The following ZCCHC7 variants were observed in gnomAD, a reference collection of about 807,000 sequenced individuals.
ZCCHC7 encodes the protein zinc finger CCHC-type containing 7.
In ZCCHC7, 35 loss-of-function variants were observed where a neutral mutation model predicts 52.0. That is an observed-to-expected ratio of 0.67 (90% CI 0.51 to 0.89). The LOEUF is 0.89. ZCCHC7 is among the 40% of genes least tolerant of loss of function. The pLI is 0.00. For missense variants in ZCCHC7, 574 were observed against 649.1 expected (o/e 0.88, Z 1.26); for synonymous variants, 217 against 221.5 (o/e 0.98, Z 0.18).
intron 2 of ZCCHC7, among the ~76,000 whole-genome samples, chr9:37,290,218 G>T (rs1357438414): frequency 6.6e-6 from 1 of 152,172 alleles, no homozygotes; most frequent in African/African-American, 2.4e-5. Flanking sequence ...GATAGTAACT[G>T]AGTTAATATT....
chr9:37,251,257 T>A (rs1323565294), intron 2 of ZCCHC7, among the ~76,000 whole-genome samples: 2 of 152,176 alleles, frequency 1.3e-5, no homozygotes, highest in African/African-American at 4.8e-5. Context: ...CTTTTTAATT[T>A]AAAAAAATCA....
rs869292704 is a variant in ZCCHC7, at chr9:37,306,762, CTTTTTTTTTTTTTTTT to C, written c.951+1075_951+1090del. Among the ~76,000 whole-genome samples, 111 of 52,004 alleles carry C rather than the reference CTTTTTTTTTTTTTTTT, an allele frequency of 2.1e-3. 1 individual carries two copies. Among genetic ancestry groups the C allele is most frequent in the African/African-American group, 5.9e-3 (83 of 13,986 alleles). The allele number at this position is 52,004 out of a possible 152,430, so 34.1% of individuals were successfully genotyped here. A position where few individuals can be genotyped will look rare whatever the true frequency, so the allele number is the denominator to read the frequency against. ...ACAGGCATGAGCCACTGTACCCGAC[CTTTTTTTTTTTTTTTT>C]TTTTTTTTTTTTTTTTTTTTTTTTT... On this transcript the variant is annotated intron_variant, in intron 5 of 8. Coordinates refer to ENST00000336755, the MANE Select transcript of ZCCHC7 (RefSeq NM_032226.3).
rs1237890522 is a variant in ZCCHC7 at position 37,304,196 on chromosome 9, A to G, written c.663A>G (p.Ile221Met). The G allele has an allele frequency of 1.9e-6, 3 of 1,607,598 alleles. No homozygotes were observed. Among genetic ancestry groups the G allele is most frequent in the African/African-American group, 1.3e-5 (1 of 74,170 alleles). Residue 221 changes from isoleucine (I) to methionine (M), a missense_variant, in exon 4 of 9, where the codon ATA (isoleucine) becomes ATG (methionine). This residue lies in a region of ZCCHC7 where 403 missense variants were observed against 461.2 expected (regional missense o/e 0.87). Coordinates refer to ENST00000336755, the MANE Select transcript of ZCCHC7 (RefSeq NM_032226.3). Reference protein sequence around the residue: ...SISDKDIEAQIANNRTPGRWT... With the variant: ...SISDKDIEAQMANNRTPGRWT... ...ATTTTTTTTTCCCTTAGGCCCAGAT[A>G]GCTAATAACCGAACACCTGGAAGAT... is the stretch of plus-strand genomic sequence containing the variant.
chr9:37,228,388 TA>T (rs1265695938), intron 2 of ZCCHC7, among the ~76,000 whole-genome samples: 19 of 152,192 alleles, frequency 1.2e-4, no homozygotes, highest in Non-Finnish European at 2.1e-4. Flanking sequence ...TTTATTTATT[TA>T]TTTTTTTTTT....
At chr9:37,154,673 T>TTA (rs1554703241) in intron 2 of ZCCHC7, among the ~76,000 whole-genome samples, 26 of 151,188 alleles carry the variant, frequency 1.7e-4, no homozygotes, top group African/African-American at 6.3e-4. Flanking sequence ...GTTTTTTTTT[T>TTA]AAATAGGGAC....
chr9:37,139,909 T>C (rs1843151901), intron 2 of ZCCHC7, among the ~76,000 whole-genome samples: 1 of 151,934 alleles, frequency 6.6e-6, no homozygotes, highest in Non-Finnish European at 1.5e-5. Flanking sequence ...CTTGAAAACT[T>C]TTCAATACTT....
chr9:37,312,490 G>A (rs1212335643), intron 5 of ZCCHC7, among the ~76,000 whole-genome samples: 1 of 152,238 alleles, frequency 6.6e-6, no homozygotes, highest in Non-Finnish European at 1.5e-5. Flanking sequence ...AGTCTTAGAA[G>A]ACTCTAAACT....
chr9:37,273,782 T>A (rs1827547631), intron 2 of ZCCHC7, among the ~76,000 whole-genome samples: 1 of 152,212 alleles, frequency 6.6e-6, no homozygotes. Context: ...TGCATATTTT[T>A]CTGTTGATTG....
chr9:37,185,210 G>T (rs768995018), intron 2 of ZCCHC7, among the ~76,000 whole-genome samples: 1 of 152,066 alleles, frequency 6.6e-6, no homozygotes, highest in Non-Finnish European at 1.5e-5. Flanking sequence ...TTTAAAGTCC[G>T]CAAAAGATCT....
intron 2 of ZCCHC7, among the ~76,000 whole-genome samples, chr9:37,291,608 TTTCAA>T (rs1297645744): frequency 6.6e-6 from 1 of 152,234 alleles, no homozygotes; most frequent in Non-Finnish European, 1.5e-5. Context: ...AAAAATTTTT[TTTCAA>T]TTGATCATTC....
chr9:37,325,052 G>A (rs1035965099), intron 5 of ZCCHC7, among the ~76,000 whole-genome samples: 1 of 152,184 alleles, frequency 6.6e-6, no homozygotes, highest in African/African-American at 2.4e-5. Flanking sequence ...GGGTCAAAAT[G>A]CACAATATAA....
intron 2 of ZCCHC7, among the ~76,000 whole-genome samples, chr9:37,156,909 A>T (rs1422077726): frequency 6.6e-6 from 1 of 152,144 alleles, no homozygotes; most frequent in Non-Finnish European, 1.5e-5. Flanking sequence ...TATTTTAATA[A>T]GTAAATTAAC....
rs780711273 is a variant in ZCCHC7, at chr9:37,126,855, A to T, written c.523A>T (p.Ser175Cys). 3 of 1,614,072 alleles carry T rather than the reference A, an allele frequency of 1.9e-6. No individual in the cohort carries two copies. The highest frequency in any genetic ancestry group is 2.5e-6 in the Non-Finnish European group (3 of 1,180,028). Residue 175 changes from serine (S) to cysteine (C), a missense_variant, in exon 2 of 9, where the codon AGC (serine) becomes TGC (cysteine). By Grantham distance (112) the Ser-to-Cys change is moderately radical. This residue lies in a region of ZCCHC7 where 403 missense variants were observed against 461.2 expected (regional missense o/e 0.87). Coordinates refer to ENST00000336755, the MANE Select transcript of ZCCHC7 (RefSeq NM_032226.3). Reference protein sequence around the residue: ...STISEGDNVESWMLLGCEVDD... With the variant: ...STISEGDNVECWMLLGCEVDD... ...CATTTCAGAAGGTGATAATGTGGAAAGCTGGATGCTACTGGGATGTGAAGT... is the reference window on the plus strand; with the variant it reads ...CATTTCAGAAGGTGATAATGTGGAATGCTGGATGCTACTGGGATGTGAAGT...
intron 6 of ZCCHC7, among the ~76,000 whole-genome samples, chr9:37,344,734 G>GTA (rs1177722400): frequency 6.6e-6 from 1 of 150,516 alleles, no homozygotes; most frequent in Non-Finnish European, 1.5e-5. Flanking sequence ...GTATGTTTGT[G>GTA]TATTATTGGC....
intron 2 of ZCCHC7, among the ~76,000 whole-genome samples, chr9:37,280,554 CAAT>C (rs1467329553): frequency 6.7e-6 from 1 of 149,212 alleles, no homozygotes; most frequent in East Asian, 2.0e-4. Flanking sequence ...AATTAGAAAT[CAAT>C]AACAAAAAAT....
At chr9:37,177,336 A>G (rs991978339) in intron 2 of ZCCHC7, among the ~76,000 whole-genome samples, 8 of 152,108 alleles carry the variant, frequency 5.3e-5, no homozygotes, top group Admixed American at 3.3e-4. Flanking sequence ...CTCAGTCTCA[A>G]TAAATAAATA....
intron 2 of ZCCHC7, among the ~76,000 whole-genome samples, chr9:37,235,492 C>G (rs971771945): frequency 5.8e-5 from 8 of 137,082 alleles, no homozygotes. Flanking sequence ...TCTTTCCTTC[C>G]TTCCTTCTTT....
At chr9:37,182,084 A>G (rs548523781) in intron 2 of ZCCHC7, among the ~76,000 whole-genome samples, 1 of 152,316 alleles carries the variant, frequency 6.6e-6, no homozygotes, top group Admixed American at 6.5e-5. Flanking sequence ...TTACTAGATG[A>G]GCTAGTCATT....
chr9:37,170,902 C>A (rs1051941322), intron 2 of ZCCHC7, among the ~76,000 whole-genome samples: 1 of 152,120 alleles, frequency 6.6e-6, no homozygotes. Context: ...GGGTAACACA[C>A]AGCCATCAAA....
Sources: allele counts gnomAD v4.1 joint callset (sites outside exome capture counted in the v4.1 genomes callset), GRCh38; gene constraint gnomAD v4.1.1; regional missense constraint gnomAD v4.1.1; transcripts MANE v1.5; gene names NCBI Gene and HGNC (gene_info 2026-07-23, HGNC 2026-07-21).